The following KLHL14 variants were observed in gnomAD, a reference collection of about 807,000 sequenced individuals.
KLHL14 encodes kelch like family member 14, also known as kelch-like protein 14.
A neutral mutation model predicts 64.3 loss-of-function variants in KLHL14; 22 were observed. The observed-to-expected ratio is 0.34, with a 90% CI of 0.24 to 0.49. The LOEUF is 0.49. Ranked by LOEUF, KLHL14 falls within the 20% of genes least tolerant of loss-of-function variation. The pLI is 0.99. For synonymous variants in KLHL14, 322 were observed against 333.4 expected (o/e 0.97, Z 0.37); for missense variants, 661 against 789.0 (o/e 0.84, Z 1.94).
chr18:32,685,207 C>A (rs181281492), intron 5 of KLHL14, among the ~76,000 whole-genome samples: 3 of 152,050 alleles, frequency 2.0e-5, no homozygotes, highest in Non-Finnish European at 4.4e-5. Flanking sequence ...TAAGTAGGAC[C>A]CTGCCATGAT....
At position 32,678,288 on chromosome 18, in the gene KLHL14, T is replaced by C. The variant is rs1178548931; in HGVS notation, c.1589-958A>G. 1.3e-5 allele frequency among the ~76,000 whole-genome samples: 2 copies of C among 152,216 alleles called. 1 individual carries two copies. The highest frequency in any genetic ancestry group is 2.9e-5 in the Non-Finnish European group (2 of 68,036). ...TTTTCCCGTAGTTAAATGCAGGCTATGGATATTTGCTAGCTGACAATCTCA... is the reference window on the plus strand; with the variant it reads ...TTTTCCCGTAGTTAAATGCAGGCTACGGATATTTGCTAGCTGACAATCTCA... On this transcript the variant is annotated intron_variant, in intron 7 of 8. Transcript: ENST00000359358.
At chr18:32,700,439 C>T (rs1023689274) in intron 3 of KLHL14, among the ~76,000 whole-genome samples, 1 of 152,132 alleles carries the variant, frequency 6.6e-6, no homozygotes, top group Non-Finnish European at 1.5e-5. Flanking sequence ...CACCCTCAGC[C>T]TTTCAGTTCT....
At chr18:32,692,609 C>T (rs1432585227) in intron 4 of KLHL14, among the ~76,000 whole-genome samples, 1 of 152,170 alleles carries the variant, frequency 6.6e-6, no homozygotes, top group Non-Finnish European at 1.5e-5. Flanking sequence ...GTGGGAGCCA[C>T]TATCCATGTG....
intron 3 of KLHL14, among the ~76,000 whole-genome samples, chr18:32,698,387 A>T (rs2049946856): frequency 6.6e-6 from 1 of 152,168 alleles, no homozygotes; most frequent in East Asian, 1.9e-4. Context: ...AAGAGAAGCT[A>T]ATCAGGATGA....
chr18:32,704,923 T>A (rs16963715), intron 3 of KLHL14, among the ~76,000 whole-genome samples: 2,483 of 152,164 alleles, frequency 0.016, 85 homozygotes, highest in African/African-American at 0.056. Flanking sequence ...GTACTCCAGG[T>A]AGAAGAGCAA....
intron 3 of KLHL14, among the ~76,000 whole-genome samples, chr18:32,707,179 C>T (rs1484689390): frequency 6.6e-6 from 1 of 152,230 alleles, no homozygotes; most frequent in Non-Finnish European, 1.5e-5. Context: ...CTCATAAAGA[C>T]AGCTCATCAC....
chr18:32,693,111 G>A (rs1048609594), intron 4 of KLHL14, among the ~76,000 whole-genome samples: 26 of 152,066 alleles, frequency 1.7e-4, no homozygotes, highest in Non-Finnish European at 2.4e-4. Context: ...TGGTCACGGC[G>A]GCTCCTCCTG....
chr18:32,729,897 CA>C (rs2050128619), intron 3 of KLHL14, among the ~76,000 whole-genome samples: 1 of 152,068 alleles, frequency 6.6e-6, no homozygotes, highest in African/African-American at 2.4e-5. Flanking sequence ...ATCTGTATTA[CA>C]AGGTGCTATG....
chr18:32,762,434 T>C (rs1046661226), intron 2 of KLHL14, among the ~76,000 whole-genome samples: 5 of 152,150 alleles, frequency 3.3e-5, no homozygotes, highest in African/African-American at 1.2e-4. Context: ...ACTTGTTTGA[T>C]ACCCCTTATT....
chr18:32,693,409 CACACAGAGAGAG>C (rs1427783212), intron 4 of KLHL14, among the ~76,000 whole-genome samples: 3 of 116,804 alleles, frequency 2.6e-5, no homozygotes, highest in South Asian at 2.8e-4. Flanking sequence ...CACACACACA[CACACAGAGAGAG>C]AGAGAGAGAG....
At chr18:32,715,669 C>T (rs1459869667) in intron 3 of KLHL14, among the ~76,000 whole-genome samples, 1 of 152,136 alleles carries the variant, frequency 6.6e-6, no homozygotes, top group Non-Finnish European at 1.5e-5. Context: ...TTTAGGAATA[C>T]ACGTATATTT....
intron 2 of KLHL14, among the ~76,000 whole-genome samples, chr18:32,767,707 T>C (rs1329061480): frequency 6.6e-6 from 1 of 152,214 alleles, no homozygotes; most frequent in African/African-American, 2.4e-5. Flanking sequence ...ATTTTGAAAG[T>C]CAACTCTTCT....
At chr18:32,745,415 C>G (rs2050219443) in intron 2 of KLHL14, 1 of 152,194 alleles carries the variant, frequency 6.6e-6, no homozygotes, top group South Asian at 2.1e-4. Context: ...GTGGTTTTCT[C>G]ACTATTTTCT....
chr18:32,727,410 A>G (rs549483333), intron 3 of KLHL14, among the ~76,000 whole-genome samples: 1 of 152,354 alleles, frequency 6.6e-6, no homozygotes, highest in South Asian at 2.1e-4. Context: ...TGGGCATTAA[A>G]GATACATTTA....
intron 3 of KLHL14, among the ~76,000 whole-genome samples, chr18:32,729,598 AC>A (rs1308628881): frequency 6.6e-6 from 1 of 152,116 alleles, no homozygotes; most frequent in Non-Finnish European, 1.5e-5. Flanking sequence ...TGGTTTTAGG[AC>A]CCACCCTAAT....
chr18:32,718,740 T>TA (rs1163546452), intron 3 of KLHL14, among the ~76,000 whole-genome samples: 2 of 152,212 alleles, frequency 1.3e-5, no homozygotes, highest in Admixed American at 1.3e-4. Flanking sequence ...TTTATGACAC[T>TA]AATCAGAGTT....
At chr18:32,757,271 C>T (rs2050286847) in intron 2 of KLHL14, among the ~76,000 whole-genome samples, 1 of 152,202 alleles carries the variant, frequency 6.6e-6, no homozygotes, top group Admixed American at 6.5e-5. Context: ...TCTTCAAGAG[C>T]AGCAGTAGCA....
chr18:32,726,697 G>A (rs1410458534), intron 3 of KLHL14, among the ~76,000 whole-genome samples: 1 of 151,776 alleles, frequency 6.6e-6, no homozygotes, highest in Non-Finnish European at 1.5e-5. Flanking sequence ...AATTGGCATA[G>A]CAATTATTTA....
At chr18:32,710,687 G>T (rs768815342) in intron 3 of KLHL14, among the ~76,000 whole-genome samples, 1 of 152,140 alleles carries the variant, frequency 6.6e-6, no homozygotes, top group African/African-American at 2.4e-5. Flanking sequence ...AAAAAGATGA[G>T]GCATGAGAAG....
Sources: allele counts gnomAD v4.1 joint callset (sites outside exome capture counted in the v4.1 genomes callset), GRCh38; gene constraint gnomAD v4.1.1; transcripts MANE v1.5; gene names NCBI Gene and HGNC (gene_info 2026-07-23, HGNC 2026-07-21).